The following GPA33 variants were observed in gnomAD, a reference collection of about 807,000 sequenced individuals.
GPA33 encodes glycoprotein A33, also known as cell surface A33 antigen.
A neutral mutation model predicts 35.6 loss-of-function variants in GPA33; 27 were observed. The observed-to-expected ratio is 0.76, with a 90% CI of 0.56 to 1.04. GPA33 has a LOEUF of 1.04. Ranked by LOEUF, GPA33 falls within the 50% of genes least tolerant of loss-of-function variation. GPA33 has a pLI of 0.00. For missense variants in GPA33, 428 were observed against 411.9 expected, an observed-to-expected ratio of 1.04 and a Z score of -0.34; for synonymous variants, 176 against 164.0, an observed-to-expected ratio of 1.07 and a Z score of -0.56.
chr1:167,056,034 C>T (rs1384996948), intron 4 of GPA33, among the ~76,000 whole-genome samples, 185 bp from the exon 5 acceptor site: 4 of 152,300 alleles, frequency 2.6e-5, no homozygotes, highest in South Asian at 4.1e-4. Context: ...ATGTGAAGTG[C>T]TCAGAATTCA....
chr1:167,077,662 T>C (rs1419634720), intron 1 of GPA33, among the ~76,000 whole-genome samples: 1 of 152,212 alleles, frequency 6.6e-6, no homozygotes, highest in African/African-American at 2.4e-5. Context: ...AGTCATTCCT[T>C]TAGACAATGG....
chr1:167,089,988 G>A (rs1342756008), intron 1 of GPA33, among the ~76,000 whole-genome samples: 1 of 151,836 alleles, frequency 6.6e-6, no homozygotes, highest in Non-Finnish European at 1.5e-5. Context: ...ATCTAATTTG[G>A]GATAAGAAAA....
chr1:167,062,986 A>G (rs527606763), intron 4 of GPA33, among the ~76,000 whole-genome samples: 1 of 152,254 alleles, frequency 6.6e-6, no homozygotes, highest in African/African-American at 2.4e-5. Context: ...GCTTTTGCAC[A>G]GAGTGCTTAT....
intron 5 of GPA33, 24 bp downstream of exon 5, chr1:167,055,706 C>T (rs1666228063): frequency 6.2e-7 from 1 of 1,612,518 alleles, no homozygotes; most frequent in African/African-American, 1.3e-5. Flanking sequence ...GTTTGTCAGC[C>T]CTCCCCCCGC....
chr1:167,055,545 C>A (rs1447794754), intron 5 of GPA33, among the ~76,000 whole-genome samples, 185 bp downstream of exon 5: 1 of 152,116 alleles, frequency 6.6e-6, no homozygotes, highest in Admixed American at 6.5e-5. Context: ...TGGAACTGGA[C>A]TGGCCTCAGA....
At chr1:167,062,838 G>A (rs1361281982) in intron 4 of GPA33, among the ~76,000 whole-genome samples, 1 of 151,848 alleles carries the variant, frequency 6.6e-6, no homozygotes, top group East Asian at 1.9e-4. Flanking sequence ...GGCAGCGGGG[G>A]TCCGTGACGG....
chr1:167,060,326 G>A (rs1301531417), intron 4 of GPA33, among the ~76,000 whole-genome samples: 4 of 152,184 alleles, frequency 2.6e-5, no homozygotes, highest in Non-Finnish European at 5.9e-5. Flanking sequence ...ACCCGCCTCA[G>A]CTTCTCAAAG....
intron 1 of GPA33, among the ~76,000 whole-genome samples, chr1:167,081,087 A>G (rs1006835395): frequency 3.3e-5 from 5 of 152,344 alleles, no homozygotes; most frequent in Middle Eastern, 3.4e-3. Flanking sequence ...AGCCAGCCTG[A>G]GGTCTCGATG....
intron 1 of GPA33, among the ~76,000 whole-genome samples, chr1:167,085,315 G>A (rs895978428): frequency 3.9e-5 from 6 of 152,180 alleles, no homozygotes; most frequent in African/African-American, 1.4e-4. Flanking sequence ...AAGTCTCATG[G>A]GAACCAACAG....
chr1:167,056,779 A>G (rs2102167738), intron 4 of GPA33, among the ~76,000 whole-genome samples: 1 of 2,072 alleles, frequency 4.8e-4, no homozygotes, highest in Non-Finnish European at 1.0e-3. Flanking sequence ...TGTGTGTGGC[A>G]TGTGTAGTGT....
intron 3 of GPA33, among the ~76,000 whole-genome samples, chr1:167,065,445 C>T (rs1403678324): frequency 6.6e-6 from 1 of 152,174 alleles, no homozygotes; most frequent in Non-Finnish European, 1.5e-5. Context: ...GGAGGACACA[C>T]AGTGGAGAGG....
intron 1 of GPA33, among the ~76,000 whole-genome samples, chr1:167,080,393 A>T (rs1485948961): frequency 6.6e-6 from 1 of 152,190 alleles, no homozygotes; most frequent in Non-Finnish European, 1.5e-5. Context: ...GCATTGTCCT[A>T]AAGAAGATGC....
chr1:167,083,067 T>TC (rs113263573), intron 1 of GPA33, among the ~76,000 whole-genome samples: 83 of 151,880 alleles, frequency 5.5e-4, no homozygotes, highest in African/African-American at 1.9e-3. Flanking sequence ...CAACTGAACT[T>TC]CCCCCCAAGT....
intron 4 of GPA33, chr1:167,058,661 C>T (rs1666364197): frequency 6.6e-6 from 1 of 152,212 alleles, no homozygotes; most frequent in Non-Finnish European, 1.5e-5. Context: ...GTGTCCCCTT[C>T]TATCCTAGAA....
chr1:167,085,674 TTGTATGCACACTAATG>T (rs1481688529), intron 1 of GPA33, among the ~76,000 whole-genome samples: 5 of 152,212 alleles, frequency 3.3e-5, no homozygotes, highest in Non-Finnish European at 7.3e-5. Context: ...CCCAGATGAC[TTGTATGCACACTAATG>T]TGGGAGAATG....
chr1:167,061,205 A>T (rs1666431451), intron 4 of GPA33, among the ~76,000 whole-genome samples: 1 of 151,566 alleles, frequency 6.6e-6, no homozygotes, highest in African/African-American at 2.4e-5. Context: ...TCCAATACCC[A>T]CTCCTTGGAG....
rs1313467266 is a variant in GPA33, at chr1:167,063,083, A to G, written c.571+499T>C. ...CCACGGCTTCCGCTACGCGCTTTAC[A>G]TGAATCATTTTTGTTTCTTGCCAGA... is the stretch of plus-strand genomic sequence containing the variant. On this transcript the variant is annotated intron_variant, in intron 4 of 6. Transcript: ENST00000367868. Among the ~76,000 whole-genome samples the G allele has an allele frequency of 2.6e-4, 39 of 152,252 alleles. 1 individual carries two copies. The highest frequency in any genetic ancestry group is 2.5e-3 in the Admixed American group (38 of 15,278).
chr1:167,056,779 ATGTGTAGTGTGGTGCG>A (rs1666302575), intron 4 of GPA33, among the ~76,000 whole-genome samples: 2 of 2,076 alleles, frequency 9.6e-4, no homozygotes, highest in Non-Finnish European at 9.9e-4. Context: ...TGTGTGTGGC[ATGTGTAGTGTGGTGCG>A]TGTGGTGTGG....
chr1:167,087,687 C>T lies in GPA33; in HGVS notation c.43+2558G>A, dbSNP rs941102919. On this transcript the variant is annotated intron_variant, in intron 1 of 6. Transcript: ENST00000367868. ...ATCCCAGCACTTTGGGAGGCTGAGG[C>T]GGGCTTATTGCGAGGTCAAGAGTTC... Among the ~76,000 whole-genome samples, 6 of 152,012 alleles carry T rather than the reference C, an allele frequency of 3.9e-5. No homozygotes were observed. In the South Asian group the frequency reaches 1.0e-3, roughly 26 times the overall value.
Sources: gnomAD v4.1 joint callset for allele counts (sites outside exome capture counted in the v4.1 genomes callset) on GRCh38, gnomAD v4.1.1 for gene constraint, MANE v1.5 for transcripts, NCBI Gene and HGNC (gene_info 2026-07-23, HGNC 2026-07-21) for gene names.